FNDC3B: variants seen among roughly 807,000 people sequenced by gnomAD.
FNDC3B encodes fibronectin type III domain-containing protein 3B.
A neutral mutation model predicts 151.5 loss-of-function variants in FNDC3B; 12 were observed. That is an observed-to-expected ratio of 0.08 (90% CI 0.05 to 0.13). The LOEUF is 0.13. Ranked by LOEUF, FNDC3B falls within the 10% of genes least tolerant of loss-of-function variation. The pLI, the probability that FNDC3B is intolerant of heterozygous loss-of-function variation, is 1.00. For missense variants in FNDC3B, 1,214 were observed against 1,505.3 expected, an observed-to-expected ratio of 0.81 and a Z score of 3.20; for synonymous variants, 528 against 549.0, an observed-to-expected ratio of 0.96 and a Z score of 0.54.
chr3:172,373,848 T>C (rs916704334), intron 23 of FNDC3B, among the ~76,000 whole-genome samples: 1 of 152,210 alleles, frequency 6.6e-6, no homozygotes, highest in Non-Finnish European at 1.5e-5. Context: ...AGAACTGGGA[T>C]GAAAGAGGAA....
chr3:172,274,413 C>A (rs1476538682), intron 6 of FNDC3B, among the ~76,000 whole-genome samples: 1 of 152,008 alleles, frequency 6.6e-6, no homozygotes, highest in Non-Finnish European at 1.5e-5. Context: ...TTTTGGATGG[C>A]CCCCAAGAAG....
In FNDC3B at chr3:172,087,595, GGA is replaced by G. The variant is rs527882895; in HGVS notation, c.-28-24856_-28-24855del. On this transcript the variant is annotated intron_variant, in intron 1 of 25. Transcript: ENST00000415807. ...GTGTGACCTCTGAAAAATAAGGGAT[GGA>G]ATAGATAATCTCAGAGGTGCTGCTG... Among the ~76,000 whole-genome samples the G allele has an allele frequency of 6.6e-3, 1,003 of 152,022 alleles. 14 individuals are homozygous for G. Among genetic ancestry groups the G allele is most frequent in the African/African-American group, 0.022 (909 of 41,448 alleles).
intron 11 of FNDC3B, among the ~76,000 whole-genome samples, chr3:172,313,481 CAA>C (rs924443373): frequency 1.1e-4 from 16 of 152,152 alleles, no homozygotes. Context: ...TCTCTTCTGA[CAA>C]GAGAATATTT....
At chr3:172,149,091 A>G (rs1467566632) in intron 3 of FNDC3B, among the ~76,000 whole-genome samples, 1 of 152,190 alleles carries the variant, frequency 6.6e-6, no homozygotes, top group African/African-American at 2.4e-5. Flanking sequence ...AGGGTGAAAT[A>G]GCCTTACCAG....
intron 6 of FNDC3B, among the ~76,000 whole-genome samples, chr3:172,263,951 A>G (rs887320328): frequency 1.3e-5 from 2 of 152,022 alleles, no homozygotes; most frequent in Non-Finnish European, 2.9e-5. Flanking sequence ...CAGTGCTTCC[A>G]TGCCTGTTTT....
intron 25 of FNDC3B, among the ~76,000 whole-genome samples, chr3:172,393,131 T>A (rs1022692161): frequency 2.0e-5 from 3 of 152,058 alleles, no homozygotes; most frequent in Non-Finnish European, 4.4e-5. Context: ...CCCAACAGTA[T>A]GCTGCCTACA....
chr3:172,154,257 C>G (rs2108607200), intron 3 of FNDC3B, among the ~76,000 whole-genome samples: 1 of 152,228 alleles, frequency 6.6e-6, no homozygotes, highest in East Asian at 1.9e-4. Flanking sequence ...TGCTCTGTCA[C>G]CAGGCTGGAG....
At chr3:172,292,364 G>C (rs1289470828) in intron 7 of FNDC3B, among the ~76,000 whole-genome samples, 1 of 152,216 alleles carries the variant, frequency 6.6e-6, no homozygotes, top group African/African-American at 2.4e-5. Flanking sequence ...GCTGATGACA[G>C]TGTACATCCT....
At chr3:172,232,179 C>A (rs1415970658) in intron 4 of FNDC3B, among the ~76,000 whole-genome samples, 1 of 152,004 alleles carries the variant, frequency 6.6e-6, no homozygotes, top group African/African-American at 2.4e-5. Context: ...CCACACCCTG[C>A]CAGTATGGTC....
chr3:172,047,507 G>A (rs1017983812), intron 1 of FNDC3B, among the ~76,000 whole-genome samples: 1 of 152,112 alleles, frequency 6.6e-6, no homozygotes, highest in African/African-American at 2.4e-5. Flanking sequence ...TAAGCACCTT[G>A]GGAAAATCAA....
chr3:172,177,989 T>G (rs1459151849), intron 3 of FNDC3B, among the ~76,000 whole-genome samples: 4 of 152,196 alleles, frequency 2.6e-5, no homozygotes, highest in African/African-American at 9.7e-5. Flanking sequence ...CTGAGGATGA[T>G]GCTTCCAGCT....
At chr3:172,346,633 A>C (rs947704564) in intron 20 of FNDC3B, among the ~76,000 whole-genome samples, 193 bp downstream of exon 20, 1 of 145,426 alleles carries the variant, frequency 6.9e-6, no homozygotes, top group African/African-American at 2.6e-5. Context: ...TGGAAGTTTT[A>C]CTGTAGTCAA....
rs565920808 is a variant in FNDC3B, at chr3:172,084,617, G to C, written c.-28-27835G>C. On this transcript the variant is annotated intron_variant, in intron 1 of 25. Coordinates refer to ENST00000415807, the MANE Select transcript of FNDC3B (RefSeq NM_022763.4). ...TATTTAGCTAATGGTTGTCTTCAAC[G>C]TAAGTTGGGGCTACATAGATCAGGC... Among the ~76,000 whole-genome samples the C allele has an allele frequency of 2.0e-5, 3 of 152,270 alleles. No individual in the cohort carries two copies. In the South Asian group the frequency reaches 6.2e-4, roughly 32 times the overall value.
chr3:172,202,139 A>C (rs1026612716), intron 3 of FNDC3B, among the ~76,000 whole-genome samples: 2 of 152,226 alleles, frequency 1.3e-5, no homozygotes, highest in African/African-American at 2.4e-5. Flanking sequence ...GACTGAGTTG[A>C]GTCGGCCATC....
rs1435167501 is a variant in FNDC3B, at chr3:172,247,580, G to A, written c.312G>A (p.Gln104=). The change falls in exon 5 of 26, where the codon CAG becomes CAA. Residue 104 remains glutamine (Q), a synonymous_variant. Coordinates refer to ENST00000415807, the MANE Select transcript of FNDC3B (RefSeq NM_022763.4). ...TGVRRVVVTP[Q]SPECYPPSYP... is the part of the protein sequence containing the mutation. ...TCCGCCGGGTGGTGGTCACACCCCA[G>A]TCTCCTGAGTGTTATCCCCCAAGCT... 1 of 1,614,044 alleles carries A rather than the reference G, an allele frequency of 6.2e-7. No homozygotes were observed. The highest frequency in any genetic ancestry group is 8.5e-7 in the Non-Finnish European group (1 of 1,179,938).
In FNDC3B at chr3:172,050,733, G is replaced by GTGTGTGTGTGTA. The variant is rs397991660; in HGVS notation, c.-29+10963_-29+10964insGTGTGTGTGTAT. ...TGTGTGTGTGTGTGTGTGTGTGTGT[G>GTGTGTGTGTGTA]TATAGTGTGTATATATACTATATAT... On this transcript the variant is annotated intron_variant, in intron 1 of 25. Coordinates refer to ENST00000415807, the MANE Select transcript of FNDC3B (RefSeq NM_022763.4). 1.4e-3 allele frequency among the ~76,000 whole-genome samples: 190 copies of GTGTGTGTGTGTA among 137,920 alleles called. 1 individual carries two copies. The highest frequency in any genetic ancestry group is 9.2e-3 in the East Asian group (43 of 4,690). 90.5% of individuals were successfully genotyped at this position (137,920 alleles called of 152,430 possible).
At chr3:172,196,745 G>A (rs1724853134) in intron 3 of FNDC3B, among the ~76,000 whole-genome samples, 2 of 152,142 alleles carry the variant, frequency 1.3e-5, no homozygotes, top group South Asian at 4.1e-4. Context: ...GTTAGGATGA[G>A]CCACACAGAT....
chr3:172,074,824 T>G (rs1717933123), intron 1 of FNDC3B, among the ~76,000 whole-genome samples: 1 of 152,182 alleles, frequency 6.6e-6, no homozygotes, highest in African/African-American at 2.4e-5. Context: ...CAGAACTGCA[T>G]CTGGCATAAT....
At chr3:172,046,824 A>C (rs1236070739) in intron 1 of FNDC3B, 1 of 152,204 alleles carries the variant, frequency 6.6e-6, no homozygotes, top group Non-Finnish European at 1.5e-5. Context: ...TTATTGACTC[A>C]GAATGCATTT....
Sources: allele counts gnomAD v4.1 joint callset (sites outside exome capture counted in the v4.1 genomes callset), GRCh38; gene constraint gnomAD v4.1.1; transcripts MANE v1.5; gene names NCBI Gene and HGNC (gene_info 2026-07-23, HGNC 2026-07-21).